Variants in ANO2 observed in about 807,000 individuals in gnomAD.
The protein encoded by ANO2 is anoctamin-2.
In ANO2, 101 loss-of-function variants were observed where a neutral mutation model predicts 124.2. The observed-to-expected ratio is 0.81, with a 90% CI of 0.69 to 0.96. ANO2 has a LOEUF of 0.96. Among genes scored for constraint, ANO2 ranks in the 40% least tolerant of loss-of-function variants. The probability of loss-of-function intolerance (pLI) is 0.00; values close to 1 mark genes in which losing one functional copy is unlikely to be tolerated. For synonymous variants in ANO2, 486 were observed against 482.5 expected, an observed-to-expected ratio of 1.01 and a Z score of -0.09; for missense variants, 1,293 against 1,274.5, an observed-to-expected ratio of 1.01 and a Z score of -0.22.
intron 20 of ANO2, among the ~76,000 whole-genome samples, chr12:5,598,500 T>C (rs1191973528): frequency 6.6e-6 from 1 of 152,072 alleles, no homozygotes; most frequent in Non-Finnish European, 1.5e-5. Context: ...GGATTACAGG[T>C]GCCTGCCACC....
Position 5,635,233 on chromosome 12 carries a change from TTGC to T in ANO2, c.1732_1734del (p.Ala578del), listed in dbSNP as rs1365400057. The T allele has an allele frequency of 1.2e-6, 2 of 1,613,058 alleles. No homozygotes were observed. Among genetic ancestry groups the T allele is most frequent in the Admixed American group, 3.4e-5 (2 of 59,682 alleles). Reference sequence around the variant, plus strand: ...ACCACGAGGTTGATGATGACTGCTGTTGCTGTCACTGTCACCCGGACATTGGAG... The same window carrying T: ...ACCACGAGGTTGATGATGACTGCTGTTGTCACTGTCACCCGGACATTGGAG... On this transcript the variant is annotated inframe_deletion, in exon 16 of 25. Coordinates refer to ENST00000682330, the MANE Select transcript of ANO2 (RefSeq NM_001364791.2). This position sits in a 1 kb window ranked among gnomAD's most constrained non-coding sequence, Gnocchi z 5.2.
At chr12:5,638,042 T>C (rs1364644711) in intron 15 of ANO2, among the ~76,000 whole-genome samples, 2 of 152,250 alleles carry the variant, frequency 1.3e-5, no homozygotes, top group Non-Finnish European at 2.9e-5. Context: ...TTAGGAATCA[T>C]CTATGTACAG....
At chr12:5,737,508 T>C (rs1950920446) in intron 13 of ANO2, among the ~76,000 whole-genome samples, 1 of 152,252 alleles carries the variant, frequency 6.6e-6, no homozygotes, top group Admixed American at 6.5e-5. Flanking sequence ...ACTTGCTCTC[T>C]AACAGCAAGA....
chr12:5,929,792 AC>A (rs1942271674), intron 1 of ANO2, among the ~76,000 whole-genome samples: 1 of 134,052 alleles, frequency 7.5e-6, no homozygotes, highest in South Asian at 2.4e-4. Flanking sequence ...TTACTCGTCT[AC>A]CTTCTTTCCT....
chr12:5,830,369 C>T, intron 6 of ANO2, 66 bp downstream of exon 6: 2 of 1,530,942 alleles, frequency 1.3e-6, no homozygotes, highest in Non-Finnish European at 1.8e-6. Context: ...AAGAGAATGC[C>T]CTGCCAACTA....
At chr12:5,807,247 C>G in intron 8 of ANO2, 66 bp downstream of exon 8, 1 of 1,427,020 alleles carries the variant, frequency 7.0e-7, no homozygotes, top group Non-Finnish European at 9.5e-7. Flanking sequence ...CTCACTGCCA[C>G]TGAAAAGTTG....
intron 1 of ANO2, among the ~76,000 whole-genome samples, chr12:5,942,705 G>A (rs551745719): frequency 1.3e-5 from 2 of 152,342 alleles, no homozygotes; most frequent in African/African-American, 4.8e-5. Context: ...CAATCCTCCA[G>A]ATATCTGCAT....
Position 5,578,532 on chromosome 12 carries a change from C to T in ANO2, c.2234-14G>A. On this transcript the variant is annotated splice_polypyrimidine_tract_variant and intron_variant, in intron 20 of 24. Transcript: ENST00000682330. ...CAAACTGGATGACTGCGAGAGAGCA[C>T]AGCATGAGGGCTTCAGCAGGAACAA... is the stretch of plus-strand genomic sequence containing the variant. 6.2e-7 allele frequency: 1 copy of T among 1,609,930 alleles called. No individual in the cohort carries two copies. The highest frequency in any genetic ancestry group is 8.5e-7 in the Non-Finnish European group (1 of 1,178,172).
intron 14 of ANO2, among the ~76,000 whole-genome samples, chr12:5,723,530 G>A (rs2137055182): frequency 6.6e-6 from 1 of 150,858 alleles, no homozygotes; most frequent in South Asian, 2.1e-4. Context: ...CTTGGCTGGG[G>A]TGCCCCAGGG....
rs1457413754 is a variant in ANO2 at position 5,711,144 on chromosome 12, C to T, written c.1545+21376G>A. On this transcript the variant is annotated intron_variant, in intron 14 of 24. Coordinates refer to ENST00000682330, the MANE Select transcript of ANO2 (RefSeq NM_001364791.2). ...CTGTACTCCAGCCTGGGCGACAGAG[C>T]GAGACTCTGTCTCAAAAAAAAAAAA... Among the ~76,000 whole-genome samples the T allele has an allele frequency of 1.9e-4, 27 of 144,616 alleles. No homozygotes were observed. The East Asian group carries it at 4.5e-3, about 24-fold the overall frequency. 94.9% of individuals were successfully genotyped at this position (144,616 alleles called of 152,430 possible).
At chr12:5,733,567 A>C (rs930860812) in intron 13 of ANO2, among the ~76,000 whole-genome samples, 2 of 152,224 alleles carry the variant, frequency 1.3e-5, no homozygotes, top group African/African-American at 4.8e-5. Flanking sequence ...CAGGGAACAC[A>C]CATGTCCTTA....
chr12:5,898,502 A>G (rs1345199287), intron 3 of ANO2, among the ~76,000 whole-genome samples: 3 of 152,252 alleles, frequency 2.0e-5, no homozygotes, highest in African/African-American at 7.2e-5. Context: ...CATCAACAGT[A>G]CAACAGACAA....
At chr12:5,609,123 G>A (rs922159054) in intron 19 of ANO2, 2 of 152,168 alleles carry the variant, frequency 1.3e-5, no homozygotes, top group African/African-American at 2.4e-5. Context: ...CTCTAAGATG[G>A]TAAGCTCCTA....
chr12:5,788,671 G>A (rs1033439474), intron 10 of ANO2, among the ~76,000 whole-genome samples: 7 of 152,184 alleles, frequency 4.6e-5, no homozygotes, highest in Admixed American at 2.0e-4. Context: ...CAACTCTCTT[G>A]CCTCAGCTTC....
At chr12:5,629,937 T>C (rs1365388303) in intron 16 of ANO2, among the ~76,000 whole-genome samples, 2 of 152,232 alleles carry the variant, frequency 1.3e-5, no homozygotes, top group Non-Finnish European at 2.9e-5. Context: ...AGTATTGTTA[T>C]GGCAGCCAGG....
rs56059583 is a variant in ANO2 at position 5,592,488 on chromosome 12, C to T, written c.2233+6996G>A. 4.8e-3 allele frequency among the ~76,000 whole-genome samples: 727 copies of T among 152,228 alleles called. 4 individuals are homozygous for T. The highest frequency in any genetic ancestry group is 0.015 in the African/African-American group (631 of 41,546). ...TGTGAGATAACCAGATACACACACG[C>T]GGGCCTGCAAGAAGATGCAAAACAA... On this transcript the variant is annotated intron_variant, in intron 20 of 24. Transcript: ENST00000682330.
At chr12:5,784,936 G>A (rs1952499110) in intron 10 of ANO2, among the ~76,000 whole-genome samples, 1 of 152,182 alleles carries the variant, frequency 6.6e-6, no homozygotes, top group South Asian at 2.1e-4. Flanking sequence ...AGTTGTTTAT[G>A]TTCCTAACCC....
intron 3 of ANO2, among the ~76,000 whole-genome samples, chr12:5,919,669 T>A (rs895755850): frequency 1.3e-5 from 2 of 151,832 alleles, no homozygotes; most frequent in Admixed American, 1.3e-4. Flanking sequence ...AGGGTAGGAA[T>A]GAGTTTGGGG....
intron 14 of ANO2, among the ~76,000 whole-genome samples, chr12:5,672,972 C>G (rs1948083023): frequency 6.6e-6 from 1 of 152,066 alleles, no homozygotes; most frequent in South Asian, 2.1e-4. Context: ...CAACAAAACC[C>G]AATATATCCA....
Sources: gnomAD v4.1 joint callset for allele counts (sites outside exome capture counted in the v4.1 genomes callset) on GRCh38, gnomAD v4.1.1 for gene constraint, Gnocchi (gnomAD v3.1) non-coding constraint, MANE v1.5 for transcripts, NCBI Gene and HGNC (gene_info 2026-07-23, HGNC 2026-07-21) for gene names.